SNTB1: variants seen among roughly 807,000 people sequenced by gnomAD.
The protein encoded by SNTB1 is syntrophin beta 1.
Under a neutral mutation model 48.9 loss-of-function variants are expected in SNTB1, and 36 were observed. The ratio of observed to expected loss-of-function variants is 0.74; its 90% CI spans 0.56 to 0.97. SNTB1 has a LOEUF of 0.97. Ranked by LOEUF, SNTB1 falls within the 50% of genes least tolerant of loss-of-function variation. SNTB1 has a pLI of 0.00. For synonymous variants in SNTB1, 299 were observed against 294.6 expected (o/e 1.01, Z -0.15); for missense variants, 786 against 703.4 (o/e 1.12, Z -1.33).
At chr8:120,771,625 G>T (rs75037499) in intron 1 of SNTB1, among the ~76,000 whole-genome samples, 2 of 151,716 alleles carry the variant, frequency 1.3e-5, no homozygotes, top group African/African-American at 4.8e-5. Context: ...ACTTCAGCTC[G>T]AGGGTGTGAC....
intron 2 of SNTB1, among the ~76,000 whole-genome samples, chr8:120,683,854 C>G (rs1204850130): frequency 6.6e-6 from 1 of 152,108 alleles, no homozygotes; most frequent in African/African-American, 2.4e-5. Flanking sequence ...CTACATTTAC[C>G]CCATAGTTAT....
chr8:120,760,497 C>T (rs1819399450), intron 1 of SNTB1, among the ~76,000 whole-genome samples: 1 of 152,082 alleles, frequency 6.6e-6, no homozygotes, highest in Non-Finnish European at 1.5e-5. Context: ...GAGACCGAGC[C>T]TGGCCTAGCT....
rs184875930 is a variant in SNTB1 at position 120,808,530 on chromosome 8, T to C, written c.571+2743A>G. 3.3e-3 allele frequency among the ~76,000 whole-genome samples: 503 copies of C among 152,358 alleles called. 2 individuals are homozygous for C. Among genetic ancestry groups the C allele is most frequent in the Middle Eastern group, 0.031 (9 of 294 alleles). On this transcript the variant is annotated intron_variant, in intron 1 of 6. Coordinates refer to ENST00000517992, the MANE Select transcript of SNTB1 (RefSeq NM_021021.4). ...TTGAGAAGGGATAGTTTCATGTTCA[T>C]TTCATTTGAATTGTAAAACTAACTA...
intron 1 of SNTB1, among the ~76,000 whole-genome samples, chr8:120,707,773 T>G (rs1354694498): frequency 6.6e-6 from 1 of 152,176 alleles, no homozygotes; most frequent in East Asian, 1.9e-4. Flanking sequence ...TGAAAATCCC[T>G]TTCACCATAA....
Position 120,660,780 on chromosome 8 carries a change from C to T in SNTB1, c.789-28129G>A, listed in dbSNP as rs976817504. ...CCAGTTTTTGAATACAAGTGAGAGA[C>T]GAGACGTGTGACTCTTCTTTTTACT... is the stretch of plus-strand genomic sequence containing the variant. On this transcript the variant is annotated intron_variant, in intron 2 of 6. Coordinates refer to ENST00000517992, the MANE Select transcript of SNTB1 (RefSeq NM_021021.4). Among the ~76,000 whole-genome samples, 38 of 152,206 alleles carry T rather than the reference C, an allele frequency of 2.5e-4. 1 individual carries two copies. The highest frequency in any genetic ancestry group is 7.5e-4 in the African/African-American group (31 of 41,518).
rs981827205 is a variant in SNTB1, at chr8:120,538,701, C to T, written c.*176G>A. 3 of 687,146 alleles carry T rather than the reference C, an allele frequency of 4.4e-6. No individual in the cohort carries two copies. Among genetic ancestry groups the T allele is most frequent in the Non-Finnish European group, 8.1e-6 (3 of 370,744 alleles). The allele number at this position is 687,146 out of a possible 1,614,324, so 42.6% of individuals were successfully genotyped here. Reference sequence around the variant, plus strand: ...CTCATGGTACTTTCGCAGGGTATCCCTTGTAGTTGCTGAAACTGACAGAGG... The same window carrying T: ...CTCATGGTACTTTCGCAGGGTATCCTTTGTAGTTGCTGAAACTGACAGAGG... On this transcript the variant is annotated 3_prime_UTR_variant, in exon 7 of 7. Coordinates refer to ENST00000517992, the MANE Select transcript of SNTB1 (RefSeq NM_021021.4).
chr8:120,601,448 C>T (rs1024318750), intron 3 of SNTB1, among the ~76,000 whole-genome samples: 4 of 152,158 alleles, frequency 2.6e-5, no homozygotes, highest in African/African-American at 4.8e-5. Context: ...ATCCTTACCC[C>T]GTACCTGAGC....
At chr8:120,709,241 A>G (rs1188267038) in intron 1 of SNTB1, among the ~76,000 whole-genome samples, 1 of 152,138 alleles carries the variant, frequency 6.6e-6, no homozygotes, top group African/African-American at 2.4e-5. Flanking sequence ...TTAATCCTCT[A>G]GTGTTCTTAA....
intron 1 of SNTB1, among the ~76,000 whole-genome samples, chr8:120,760,311 A>AAC (rs1026142570): frequency 3.9e-5 from 6 of 152,044 alleles, no homozygotes; most frequent in African/African-American, 1.4e-4. Context: ...AAAAAAAAAA[A>AAC]AACCCTGAAA....
intron 1 of SNTB1, among the ~76,000 whole-genome samples, chr8:120,791,861 T>G (rs1820041879): frequency 6.6e-6 from 1 of 151,956 alleles, no homozygotes; most frequent in Non-Finnish European, 1.5e-5. Context: ...CTGGTGGGAA[T>G]GTAAATTAGT....
Position 120,671,215 on chromosome 8 carries a change from G to T in SNTB1, c.788+22477C>A, listed in dbSNP as rs1008951427. Among the ~76,000 whole-genome samples the T allele has an allele frequency of 3.3e-5, 5 of 152,048 alleles. No homozygotes were observed. The South Asian group carries it at 1.0e-3, about 32-fold the overall frequency. On this transcript the variant is annotated intron_variant, in intron 2 of 6. Coordinates refer to ENST00000517992, the MANE Select transcript of SNTB1 (RefSeq NM_021021.4). ...CCCTATATAAGTCTTATTTTTAGAGGAATTTGAGAAGCAGCATGGCCTGCA... is the reference window on the plus strand; with the variant it reads ...CCCTATATAAGTCTTATTTTTAGAGTAATTTGAGAAGCAGCATGGCCTGCA...
chr8:120,787,191 T>A (rs1326295008), intron 1 of SNTB1, among the ~76,000 whole-genome samples: 1 of 151,880 alleles, frequency 6.6e-6, no homozygotes, highest in African/African-American at 2.4e-5. Flanking sequence ...TAAAGTCACA[T>A]CCTCAAGAGA....
intron 1 of SNTB1, among the ~76,000 whole-genome samples, chr8:120,766,022 G>A (rs1023493446): frequency 6.6e-5 from 10 of 151,974 alleles, no homozygotes; most frequent in East Asian, 1.9e-4. Flanking sequence ...AACAGTTTAC[G>A]GCACTCTTCT....
chr8:120,765,126 G>T (rs1425469569), intron 1 of SNTB1, among the ~76,000 whole-genome samples: 1 of 152,146 alleles, frequency 6.6e-6, no homozygotes, highest in South Asian at 2.1e-4. Context: ...TCAGGAAACT[G>T]AGGCATGAGA....
intron 1 of SNTB1, among the ~76,000 whole-genome samples, chr8:120,751,454 G>A (rs748644755): frequency 1.3e-4 from 19 of 150,644 alleles, no homozygotes; most frequent in Non-Finnish European, 2.1e-4. Context: ...ATAGCCATAC[G>A]AATTAAATCT....
intron 2 of SNTB1, among the ~76,000 whole-genome samples, chr8:120,645,725 A>G (rs932296132): frequency 8.3e-6 from 1 of 119,890 alleles, no homozygotes; most frequent in African/African-American, 3.1e-5. Flanking sequence ...CTTGATGGGG[A>G]TGGCATTGAA....
chr8:120,706,386 G>C (rs1276037821), intron 1 of SNTB1, among the ~76,000 whole-genome samples: 1 of 152,048 alleles, frequency 6.6e-6, no homozygotes, highest in East Asian at 1.9e-4. Context: ...AATCATGCCA[G>C]GCAGAAAAGG....
In SNTB1 at chr8:120,693,711, A is replaced by C. The variant is rs1315709729; in HGVS notation, c.769T>G (p.Leu257Val). The change falls in exon 2 of 7, where the codon TTG (leucine) becomes GTG (valine). Residue 257 changes from leucine (L) to valine (V), a missense_variant. Coordinates refer to ENST00000517992, the MANE Select transcript of SNTB1 (RefSeq NM_021021.4). ...ATTTACCTGTTCTCAGGGTCGGCCA[A>C]GGCCATACTCCGAGTGACGTAGCAC... ...KMCYVTRSMA[L>V]ADPENRQLEI... 2 of 1,613,996 alleles carry C rather than the reference A, an allele frequency of 1.2e-6. No homozygotes were observed. Among genetic ancestry groups the C allele is most frequent in the East Asian group, 4.5e-5 (2 of 44,868 alleles).
intron 1 of SNTB1, among the ~76,000 whole-genome samples, chr8:120,733,435 G>C (rs534203478): frequency 2.0e-5 from 3 of 152,348 alleles, no homozygotes; most frequent in Admixed American, 2.0e-4. Flanking sequence ...CAGGGCCCAG[G>C]CTCAATGATT....
Sources: allele counts gnomAD v4.1 joint callset (sites outside exome capture counted in the v4.1 genomes callset), GRCh38; gene constraint gnomAD v4.1.1; transcripts MANE v1.5; gene names NCBI Gene and HGNC (gene_info 2026-07-23, HGNC 2026-07-21).